The following CNTN5 variants were observed in gnomAD, a reference collection of about 807,000 sequenced individuals.
CNTN5 encodes contactin 5, also known as contactin-5.
CNTN5 carries 77 observed loss-of-function variants against 129.1 expected under a neutral mutation model. The observed-to-expected ratio is 0.60, with a 90% CI of 0.50 to 0.72. The LOEUF (loss-of-function observed/expected upper bound fraction) is 0.72. Ranked by LOEUF, CNTN5 falls within the 30% of genes least tolerant of loss-of-function variation. The pLI is 0.00. For synonymous variants in CNTN5, 509 were observed against 465.6 expected, an observed-to-expected ratio of 1.09 and a Z score of -1.20; for missense variants, 1,478 against 1,328.8, an observed-to-expected ratio of 1.11 and a Z score of -1.75.
chr11:99,537,442 A>T (rs1476728637), intron 2 of CNTN5, among the ~76,000 whole-genome samples: 1 of 152,152 alleles, frequency 6.6e-6, no homozygotes, highest in African/African-American at 2.4e-5. Context: ...ATAAATAACT[A>T]GATTCACTGA....
At chr11:99,495,068 ACCTTTATTTAAATCAC>A (rs1053712229) in intron 2 of CNTN5, among the ~76,000 whole-genome samples, 1 of 152,210 alleles carries the variant, frequency 6.6e-6, no homozygotes, top group Non-Finnish European at 1.5e-5. Context: ...TCTCTCCAAT[ACCTTTATTTAAATCAC>A]CCCTGCTGGG....
intron 1 of CNTN5, among the ~76,000 whole-genome samples, chr11:99,308,061 C>G (rs1241983273): frequency 1.3e-5 from 2 of 152,176 alleles, no homozygotes; most frequent in Admixed American, 1.3e-4. Context: ...ATGCATCAAA[C>G]TCTTCTGAAA....
chr11:99,992,994 G>A (rs893150568), intron 8 of CNTN5, among the ~76,000 whole-genome samples: 1 of 152,144 alleles, frequency 6.6e-6, no homozygotes, highest in African/African-American at 2.4e-5. Flanking sequence ...GCAATCAAAA[G>A]ATCAAAGAGC....
intron 3 of CNTN5, among the ~76,000 whole-genome samples, chr11:99,792,285 T>C (rs1330836497): frequency 6.6e-6 from 1 of 152,166 alleles, no homozygotes; most frequent in Admixed American, 6.5e-5. Flanking sequence ...ATGCCTAATT[T>C]CTTGAGAGTT....
At chr11:99,481,301 C>A (rs1345049403) in intron 2 of CNTN5, among the ~76,000 whole-genome samples, 2 of 152,036 alleles carry the variant, frequency 1.3e-5, no homozygotes, top group Non-Finnish European at 2.9e-5. Flanking sequence ...AGCCTGACAC[C>A]ATTAATATCA....
intron 3 of CNTN5, among the ~76,000 whole-genome samples, chr11:99,588,173 C>T (rs554526711): frequency 6.6e-6 from 1 of 152,050 alleles, no homozygotes; most frequent in Non-Finnish European, 1.5e-5. Context: ...GAAACCCCGT[C>T]TCTACTAAAA....
At chr11:100,104,466 C>A (rs182250755) in intron 13 of CNTN5, among the ~76,000 whole-genome samples, 1 of 152,094 alleles carries the variant, frequency 6.6e-6, no homozygotes, top group African/African-American at 2.4e-5. Context: ...AAAAAAAAAT[C>A]ACATATAATA....
At chr11:99,415,694 G>A (rs1006517395) in intron 2 of CNTN5, among the ~76,000 whole-genome samples, 1 of 152,100 alleles carries the variant, frequency 6.6e-6, no homozygotes, top group Non-Finnish European at 1.5e-5. Context: ...CTTTGCTTCT[G>A]AGGCCTTCAC....
intron 2 of CNTN5, among the ~76,000 whole-genome samples, chr11:99,412,948 G>A (rs746329316): frequency 7.2e-5 from 11 of 152,166 alleles, no homozygotes; most frequent in Non-Finnish European, 8.8e-5. Context: ...ACATCACCAA[G>A]CAGACATCAA....
At chr11:99,543,977 A>G (rs552962200) in intron 2 of CNTN5, among the ~76,000 whole-genome samples, 9 of 151,500 alleles carry the variant, frequency 5.9e-5, no homozygotes, top group Admixed American at 5.3e-4. Context: ...ATTACCTTGA[A>G]AACTTTTCTA....
In CNTN5 at chr11:99,947,194, C is replaced by A. The variant is rs185115490; in HGVS notation, c.674-9612C>A. 3.3e-5 allele frequency among the ~76,000 whole-genome samples: 5 copies of A among 151,094 alleles called. No individual in the cohort carries two copies. In the East Asian group the frequency reaches 9.8e-4, roughly 30 times the overall value. ...TGTACTATTTATATTACTAGCATAA[C>A]TTGTACCAATTTTTCTACTTTTGAA... On this transcript the variant is annotated intron_variant, in intron 7 of 24. Transcript: ENST00000524871.
At chr11:99,864,749 T>C (rs182144902) in intron 6 of CNTN5, among the ~76,000 whole-genome samples, 44 of 152,330 alleles carry the variant, frequency 2.9e-4, no homozygotes, top group African/African-American at 1.1e-3. Context: ...GGATTTGATA[T>C]TGCATTAATG....
intron 2 of CNTN5, among the ~76,000 whole-genome samples, chr11:99,507,891 ATGAG>A (rs1946686007): frequency 6.6e-6 from 1 of 152,218 alleles, no homozygotes; most frequent in South Asian, 2.1e-4. Context: ...TAACTATTAC[ATGAG>A]TGAGTGAGTT....
At chr11:100,236,438 G>A (rs1015626107) in intron 16 of CNTN5, among the ~76,000 whole-genome samples, 5 of 152,144 alleles carry the variant, frequency 3.3e-5, no homozygotes, top group African/African-American at 9.7e-5. Flanking sequence ...ATTTTGACTT[G>A]CAGAGATTTG....
intron 2 of CNTN5, among the ~76,000 whole-genome samples, chr11:99,457,893 G>T (rs1317238743): frequency 1.3e-5 from 2 of 151,506 alleles, no homozygotes; most frequent in Non-Finnish European, 3.0e-5. Flanking sequence ...CCCGCTGCAG[G>T]ATTTTAGATT....
intron 1 of CNTN5, among the ~76,000 whole-genome samples, chr11:99,098,367 C>T (rs1232407975): frequency 6.6e-6 from 1 of 152,050 alleles, no homozygotes; most frequent in African/African-American, 2.4e-5. Flanking sequence ...ACAGTGTAAT[C>T]AGAGCAGTAC....
chr11:99,897,141 T>G (rs2135934615), intron 6 of CNTN5, among the ~76,000 whole-genome samples: 1 of 152,160 alleles, frequency 6.6e-6, no homozygotes, highest in African/African-American at 2.4e-5. Context: ...ACAAAACCTT[T>G]GAGAAATAAG....
intron 1 of CNTN5, among the ~76,000 whole-genome samples, chr11:99,109,634 C>T (rs900958417): frequency 2.6e-5 from 4 of 152,108 alleles, no homozygotes; most frequent in African/African-American, 9.6e-5. Flanking sequence ...TTGTAGATCA[C>T]GTTAGAAGCA....
At chr11:99,664,210 C>T (rs959167913) in intron 3 of CNTN5, among the ~76,000 whole-genome samples, 3 of 152,110 alleles carry the variant, frequency 2.0e-5, no homozygotes, top group Admixed American at 6.6e-5. Context: ...TTTTCAAAAT[C>T]TTTATGAAGA....
Sources: gnomAD v4.1 joint callset for allele counts (sites outside exome capture counted in the v4.1 genomes callset) on GRCh38, gnomAD v4.1.1 for gene constraint, MANE v1.5 for transcripts, NCBI Gene and HGNC (gene_info 2026-07-23, HGNC 2026-07-21) for gene names.